The following PRKCH variants were observed in gnomAD, a reference collection of about 807,000 sequenced individuals.
PRKCH encodes the protein protein kinase C eta type.
Under a neutral mutation model 82.5 loss-of-function variants are expected in PRKCH, and 28 were observed. The observed-to-expected ratio is 0.34, with a 90% CI of 0.25 to 0.47. PRKCH has a LOEUF of 0.47. Ranked by LOEUF, PRKCH falls within the 20% of genes least tolerant of loss-of-function variation. The pLI, the probability that PRKCH is intolerant of heterozygous loss-of-function variation, is 1.00. For synonymous variants in PRKCH, 322 were observed against 327.4 expected (o/e 0.98, Z 0.18); for missense variants, 705 against 881.8 (o/e 0.80, Z 2.54).
At chr14:61,459,963 C>A (rs568338088) in intron 9 of PRKCH, among the ~76,000 whole-genome samples, 1 of 152,204 alleles carries the variant, frequency 6.6e-6, no homozygotes, top group African/African-American at 2.4e-5. Context: ...CCCACCTCAG[C>A]CCCCTGAGAA....
intron 10 of PRKCH, among the ~76,000 whole-genome samples, chr14:61,486,018 T>C (rs1010893344): frequency 6.6e-6 from 1 of 152,206 alleles, no homozygotes; most frequent in Non-Finnish European, 1.5e-5. Flanking sequence ...GATAAATTAA[T>C]AACAGTAATA....
At chr14:61,488,151 CAAAA>C (rs33973552) in intron 10 of PRKCH, among the ~76,000 whole-genome samples, 1 of 140,736 alleles carries the variant, frequency 7.1e-6, no homozygotes, top group Non-Finnish European at 1.6e-5. Context: ...GACTCCGTCT[CAAAA>C]AAAAAAAAAA....
intron 10 of PRKCH, among the ~76,000 whole-genome samples, chr14:61,507,428 C>G (rs185409136): frequency 1.4e-4 from 21 of 152,246 alleles, no homozygotes; most frequent in African/African-American, 5.1e-4. Context: ...CAATCCCATT[C>G]CTGGATCTAT....
chr14:61,314,570 T>C (rs571860448), intron 1 of PRKCH, among the ~76,000 whole-genome samples: 13 of 152,338 alleles, frequency 8.5e-5, no homozygotes, highest in African/African-American at 3.1e-4. Context: ...GATTGCTTTT[T>C]ATGGGAGGAT....
At chr14:61,464,967 G>T (rs1330819348) in intron 9 of PRKCH, among the ~76,000 whole-genome samples, 1 of 152,126 alleles carries the variant, frequency 6.6e-6, no homozygotes, top group East Asian at 1.9e-4. Context: ...TCGCCACATG[G>T]TTTTCCACAA....
At chr14:61,430,029 A>G (rs1237181796) in intron 2 of PRKCH, among the ~76,000 whole-genome samples, 1 of 152,194 alleles carries the variant, frequency 6.6e-6, no homozygotes, top group African/African-American at 2.4e-5. Flanking sequence ...GTTATCAGGT[A>G]AATTCCATGG....
At chr14:61,221,580 G>T (rs976190501) in intron 1 of PRKCH, among the ~76,000 whole-genome samples, 14 of 152,088 alleles carry the variant, frequency 9.2e-5, no homozygotes, top group Middle Eastern at 3.4e-3. Flanking sequence ...CCCGAGAACC[G>T]CTGCTGCCTA....
chr14:61,286,201 G>T (rs2045312433), intron 1 of PRKCH, among the ~76,000 whole-genome samples: 1 of 152,070 alleles, frequency 6.6e-6, no homozygotes, highest in Admixed American at 6.5e-5. Flanking sequence ...TCTGCCCATG[G>T]GGCAGCTTTT....
At chr14:61,356,351 G>A (rs1173001111) in intron 1 of PRKCH, among the ~76,000 whole-genome samples, 1 of 152,170 alleles carries the variant, frequency 6.6e-6, no homozygotes, top group Non-Finnish European at 1.5e-5. Context: ...TCGTAATCCA[G>A]ATGGTTTGTG....
At chr14:61,387,498 A>C (rs1325641800) in intron 1 of PRKCH, among the ~76,000 whole-genome samples, 1 of 152,200 alleles carries the variant, frequency 6.6e-6, no homozygotes, top group African/African-American at 2.4e-5. Flanking sequence ...ATGAGTGGAA[A>C]TTATTGGTCT....
rs772764842 is a variant in PRKCH, at chr14:61,485,510, G to GT, written c.1293dup (p.Val432CysfsTer9). 6 of 1,613,958 alleles carry GT rather than the reference G, an allele frequency of 3.7e-6. No individual in the cohort carries two copies. Among genetic ancestry groups the GT allele is most frequent in the Non-Finnish European group, 3.4e-6 (4 of 1,179,952 alleles). ...CTTGTGTTTGTATCCAGGATCGTCT[G>GT]TTTTTTGTGATGGAGTTTGTGAATG... is the stretch of plus-strand genomic sequence containing the variant. On this transcript the variant is annotated frameshift_variant, in exon 10 of 14. Coordinates refer to ENST00000332981, the MANE Select transcript of PRKCH (RefSeq NM_006255.5). LOFTEE classifies it high-confidence loss of function.
chr14:61,237,467 T>G (rs1169454590), intron 1 of PRKCH, among the ~76,000 whole-genome samples: 1 of 152,232 alleles, frequency 6.6e-6, no homozygotes, highest in Non-Finnish European at 1.5e-5. Flanking sequence ...GAGAATTAAC[T>G]AAGAGTCTGA....
At chr14:61,489,385 A>G (rs907408515) in intron 10 of PRKCH, among the ~76,000 whole-genome samples, 1 of 152,200 alleles carries the variant, frequency 6.6e-6, no homozygotes, top group African/African-American at 2.4e-5. Flanking sequence ...AGAAGGTAGT[A>G]CCTTAGGCTC....
At chr14:61,470,472 A>G (rs528736159) in intron 9 of PRKCH, among the ~76,000 whole-genome samples, 1 of 152,150 alleles carries the variant, frequency 6.6e-6, no homozygotes, top group East Asian at 1.9e-4. Context: ...CTCTTTCTTT[A>G]CAAGGTTCTT....
intron 10 of PRKCH, among the ~76,000 whole-genome samples, chr14:61,516,156 C>T (rs937173112): frequency 3.9e-5 from 6 of 152,072 alleles, no homozygotes; most frequent in African/African-American, 1.2e-4. Flanking sequence ...CCCCAAGCCA[C>T]TTGGGTAGGG....
chr14:61,507,909 G>A (rs1887220967), intron 10 of PRKCH, among the ~76,000 whole-genome samples: 1 of 152,008 alleles, frequency 6.6e-6, no homozygotes, highest in African/African-American at 2.4e-5. Context: ...ATTTTGCTAA[G>A]AGAGTACATC....
intron 10 of PRKCH, among the ~76,000 whole-genome samples, chr14:61,491,662 T>C (rs554264363): frequency 8.5e-4 from 129 of 152,278 alleles, no homozygotes; most frequent in African/African-American, 2.4e-3. Context: ...CTTCTTAGAG[T>C]AGCTCAGCAT....
At chr14:61,483,323 C>A (rs920268930) in intron 9 of PRKCH, among the ~76,000 whole-genome samples, 1 of 152,224 alleles carries the variant, frequency 6.6e-6, no homozygotes, top group Non-Finnish European at 1.5e-5. Context: ...AAGCTTGTCC[C>A]ACCCAATTCT....
intron 1 of PRKCH, among the ~76,000 whole-genome samples, chr14:61,219,747 C>G (rs928140391): frequency 2.6e-5 from 4 of 152,110 alleles, no homozygotes; most frequent in African/African-American, 9.7e-5. Context: ...TCATTAAGAG[C>G]ATTGTGTCAA....
Sources: gnomAD v4.1 joint callset for allele counts (sites outside exome capture counted in the v4.1 genomes callset) on GRCh38, gnomAD v4.1.1 for gene constraint, MANE v1.5 for transcripts, NCBI Gene and HGNC (gene_info 2026-07-23, HGNC 2026-07-21) for gene names.